ADARB1: variants seen among roughly 807,000 people sequenced by gnomAD.
ADARB1 encodes double-stranded RNA-specific editase 1.
ADARB1 carries 10 observed loss-of-function variants against 52.4 expected under a neutral mutation model. The observed-to-expected ratio is 0.19, with a 90% CI of 0.12 to 0.32. ADARB1 has a LOEUF of 0.32. ADARB1 is among the 10% of genes least tolerant of loss of function. The probability of loss-of-function intolerance (pLI) is 1.00; values close to 1 mark genes in which losing one functional copy is unlikely to be tolerated. For synonymous variants in ADARB1, 349 were observed against 371.1 expected, an observed-to-expected ratio of 0.94 and a Z score of 0.68; for missense variants, 643 against 922.3, an observed-to-expected ratio of 0.70 and a Z score of 3.92.
chr21:45,143,776 C>T (rs2089863038), intron 2 of ADARB1, among the ~76,000 whole-genome samples: 1 of 152,240 alleles, frequency 6.6e-6, no homozygotes, highest in Non-Finnish European at 1.5e-5. Context: ...AACACTCTTC[C>T]CAGCTGTCTT....
At chr21:45,122,482 G>A (rs1029075260) in intron 1 of ADARB1, among the ~76,000 whole-genome samples, 8 of 152,146 alleles carry the variant, frequency 5.3e-5, no homozygotes, top group African/African-American at 1.9e-4. Context: ...ACCCATTGTG[G>A]AAACCCCTTC....
At chr21:45,099,187 C>T (rs1268860267) in intron 1 of ADARB1, among the ~76,000 whole-genome samples, 3 of 152,138 alleles carry the variant, frequency 2.0e-5, no homozygotes, top group African/African-American at 7.2e-5. Context: ...GTTGTTGATT[C>T]CACATTTCTC....
chr21:45,121,217 C>T (rs953189556), intron 1 of ADARB1, among the ~76,000 whole-genome samples: 1 of 152,210 alleles, frequency 6.6e-6, no homozygotes, highest in African/African-American at 2.4e-5. Context: ...AGTGCTTTCA[C>T]ATGCTGCTTC....
chr21:45,085,067 C>T (rs566549759), intron 1 of ADARB1, among the ~76,000 whole-genome samples: 30 of 152,268 alleles, frequency 2.0e-4, no homozygotes, highest in African/African-American at 6.7e-4. Context: ...TGCCGGATGC[C>T]GCTGGTGGGC....
At chr21:45,190,294 T>G (rs964940692) in intron 8 of ADARB1, among the ~76,000 whole-genome samples, 1 of 152,228 alleles carries the variant, frequency 6.6e-6, no homozygotes, top group Non-Finnish European at 1.5e-5. Context: ...TGGCTCATTT[T>G]TATACTAATA....
chr21:45,183,617 C>T, intron 7 of ADARB1, 107 bp downstream of exon 7: 1 of 1,284,040 alleles, frequency 7.8e-7, no homozygotes, highest in Non-Finnish European at 1.1e-6. Context: ...TATTTTTAGA[C>T]TTGGATGTGG....
intron 5 of ADARB1, 140 bp downstream of exon 5, chr21:45,180,584 C>A: frequency 1.4e-6 from 1 of 737,836 alleles, no homozygotes; most frequent in Non-Finnish European, 2.3e-6. Flanking sequence ...CTGCCATATG[C>A]AAGTTTACGA....
At position 45,172,598 on chromosome 21, in the gene ADARB1, AT is replaced by A. The variant is rs3838130; in HGVS notation, c.28+917del. Among the ~76,000 whole-genome samples, 19 of 152,170 alleles carry A rather than the reference AT, an allele frequency of 1.2e-4. No homozygotes were observed. In the East Asian group the frequency reaches 3.5e-3, roughly 28 times the overall value. On this transcript the variant is annotated intron_variant, in intron 3 of 10. Transcript: ENST00000348831. The surrounding 1 kb of genome is among the most constrained non-coding windows in gnomAD (Gnocchi z 4.4). ...AGTGAAGCATTTCTGCATGGTATTG[AT>A]TTCTGCATGGTATTGATTTCTGCGT...
chr21:45,178,261 T>C (rs2091781565), intron 4 of ADARB1, among the ~76,000 whole-genome samples: 1 of 152,218 alleles, frequency 6.6e-6, no homozygotes, highest in Non-Finnish European at 1.5e-5. Flanking sequence ...GTGTGGAGCA[T>C]GACCAGAGCC....
At chr21:45,187,482 AT>A (rs1356353076) in intron 8 of ADARB1, among the ~76,000 whole-genome samples, 1 of 152,106 alleles carries the variant, frequency 6.6e-6, no homozygotes, top group African/African-American at 2.4e-5. Context: ...CTTCCTTTCC[AT>A]TTTGGATGCC....
chr21:45,215,889 T>C (rs1388717521), intron 9 of ADARB1, among the ~76,000 whole-genome samples: 1 of 152,210 alleles, frequency 6.6e-6, no homozygotes, highest in Admixed American at 6.5e-5. Flanking sequence ...AGAGTTTGTT[T>C]GGATTTGGTA....
chr21:45,090,179 G>A (rs2086507435), intron 1 of ADARB1, among the ~76,000 whole-genome samples: 1 of 152,052 alleles, frequency 6.6e-6, no homozygotes, highest in South Asian at 2.1e-4. Flanking sequence ...TGATCACGTG[G>A]TTTTCCCTCC....
chr21:45,197,417 T>C (rs902500213), intron 8 of ADARB1, among the ~76,000 whole-genome samples: 6 of 151,826 alleles, frequency 4.0e-5, no homozygotes, highest in Admixed American at 1.3e-4. Flanking sequence ...GGAGTATCGC[T>C]TAAACCTGGG....
At chr21:45,150,534 GAAAT>G (rs1357935192) in intron 2 of ADARB1, among the ~76,000 whole-genome samples, 2 of 152,124 alleles carry the variant, frequency 1.3e-5, no homozygotes, top group African/African-American at 4.8e-5. Flanking sequence ...AATTTTATAA[GAAAT>G]AAAACTATTG....
At position 45,176,973 on chromosome 21, in the gene ADARB1, C is replaced by A; in HGVS notation, c.963+309C>A. 1 of 294,798 alleles carries A rather than the reference C, an allele frequency of 3.4e-6. No individual in the cohort carries two copies. The highest frequency in any genetic ancestry group is 2.1e-5 in the African/African-American group (1 of 46,636). The allele number at this position is 294,798 out of a possible 1,614,324, so 18.3% of individuals were successfully genotyped here. The stretch of plus-strand genomic sequence containing the variant: ...TCCCGTTAGGCAACCCCCCCCATGA[C>A]CCTCATCCCACAGCAAGCCTTTAGC... On this transcript the variant is annotated intron_variant, in intron 4 of 10. Coordinates refer to ENST00000348831, the MANE Select transcript of ADARB1 (RefSeq NM_001112.4). The surrounding 1 kb of genome is among the most constrained non-coding windows in gnomAD (Gnocchi z 5.8).
chr21:45,163,955 T>C (rs1236689939), intron 2 of ADARB1, among the ~76,000 whole-genome samples: 3 of 152,234 alleles, frequency 2.0e-5, no homozygotes, highest in East Asian at 3.9e-4. Context: ...CACCTTGGGC[T>C]GTGTGCTTTT....
intron 2 of ADARB1, among the ~76,000 whole-genome samples, chr21:45,153,360 A>G (rs556499772): frequency 2.0e-5 from 3 of 148,986 alleles, no homozygotes; most frequent in East Asian, 2.0e-4. Context: ...TTCTCTTTGT[A>G]TAATATGAAA....
intron 7 of ADARB1, 191 bp from the exon 8 acceptor site, chr21:45,184,732 T>A (rs1425924029): frequency 1.6e-6 from 1 of 620,878 alleles, no homozygotes; most frequent in East Asian, 3.3e-5. Flanking sequence ...ATTACAGGTG[T>A]GAGCCACCAT....
rs1298072654 is a variant in ADARB1, at chr21:45,208,860, T to C, written c.1747+4124T>C. Among the ~76,000 whole-genome samples, 1 of 152,170 alleles carries C rather than the reference T, an allele frequency of 6.6e-6. No individual in the cohort carries two copies. Among genetic ancestry groups the C allele is most frequent in the Non-Finnish European group, 1.5e-5 (1 of 68,028 alleles). ...GGAGTGAACGTGCCATGAGTCATTG[T>C]AGAAGAGAACGACCACCAAGCTTGG... On this transcript the variant is annotated intron_variant, in intron 9 of 10. Coordinates refer to ENST00000348831, the MANE Select transcript of ADARB1 (RefSeq NM_001112.4). This position sits in a 1 kb window ranked among gnomAD's most constrained non-coding sequence, Gnocchi z 5.6.
Sources: allele counts gnomAD v4.1 joint callset (sites outside exome capture counted in the v4.1 genomes callset), GRCh38; gene constraint gnomAD v4.1.1; non-coding constraint Gnocchi (gnomAD v3.1); transcripts MANE v1.5; gene names NCBI Gene and HGNC (gene_info 2026-07-23, HGNC 2026-07-21).